The following OSBPL6 variants were observed in gnomAD, a reference collection of about 807,000 sequenced individuals.
The protein encoded by OSBPL6 is oxysterol-binding protein-related protein 6.
Under a neutral mutation model 125.8 loss-of-function variants are expected in OSBPL6, and 49 were observed. The observed-to-expected ratio is 0.39, with a 90% CI of 0.31 to 0.49. The LOEUF is 0.49. Ranked by LOEUF, OSBPL6 falls within the 20% of genes least tolerant of loss-of-function variation. The pLI is 0.88. For missense variants in OSBPL6, 986 were observed against 1,135.4 expected, an observed-to-expected ratio of 0.87 and a Z score of 1.89; for synonymous variants, 394 against 391.8, an observed-to-expected ratio of 1.01 and a Z score of -0.07.
chr2:178,342,949 A>G (rs718651), intron 11 of OSBPL6, among the ~76,000 whole-genome samples: 3,895 of 152,278 alleles, frequency 0.026, 237 homozygotes, highest in East Asian at 0.22. Flanking sequence ...CTTTTACTAC[A>G]TTAAGTAGAA....
chr2:178,334,648 C>G (rs1028122482), intron 8 of OSBPL6, among the ~76,000 whole-genome samples: 1 of 152,172 alleles, frequency 6.6e-6, no homozygotes, highest in African/African-American at 2.4e-5. Flanking sequence ...CCTGCCTCAG[C>G]CTTCAGAGTA....
At chr2:178,353,290 A>C (rs1210489613) in intron 12 of OSBPL6, among the ~76,000 whole-genome samples, 7 of 152,190 alleles carry the variant, frequency 4.6e-5, no homozygotes, top group Admixed American at 3.3e-4. Context: ...AGTAATAACA[A>C]ACTTCTCCGA....
At chr2:178,315,600 C>T (rs1687663195) in intron 3 of OSBPL6, among the ~76,000 whole-genome samples, 1 of 152,156 alleles carries the variant, frequency 6.6e-6, no homozygotes, top group Admixed American at 6.5e-5. Flanking sequence ...CTAGGCCTGC[C>T]TTTATCAGGT....
chr2:178,316,871 A>C (rs1687780205), intron 3 of OSBPL6, among the ~76,000 whole-genome samples: 1 of 152,174 alleles, frequency 6.6e-6, no homozygotes, highest in African/African-American at 2.4e-5. Context: ...CCCCAAGGAT[A>C]CCAAGGGAGG....
At chr2:178,256,747 TTATAAG>T (rs769521817) in intron 1 of OSBPL6, among the ~76,000 whole-genome samples, 11 of 152,236 alleles carry the variant, frequency 7.2e-5, no homozygotes, top group Non-Finnish European at 1.5e-4. Context: ...AGTGATTTTC[TTATAAG>T]TATGTTTTTG....
intron 12 of OSBPL6, among the ~76,000 whole-genome samples, chr2:178,358,922 C>T (rs1692067731): frequency 2.6e-5 from 4 of 152,048 alleles, no homozygotes; most frequent in Admixed American, 2.6e-4. Flanking sequence ...ACTCATACAA[C>T]TCAATAGGAA....
chr2:178,328,621 A>G (rs1315719097), intron 5 of OSBPL6, among the ~76,000 whole-genome samples: 1 of 152,076 alleles, frequency 6.6e-6, no homozygotes, highest in East Asian at 1.9e-4. Context: ...CTGAGTAGCT[A>G]GGACTACAGG....
rs1050807889 is a variant in OSBPL6, at chr2:178,298,835, A to G, written c.-155-7195A>G. Among the ~76,000 whole-genome samples the G allele has an allele frequency of 9.9e-5, 15 of 152,060 alleles. 1 individual carries two copies. The highest frequency in any genetic ancestry group is 6.3e-3 in the Middle Eastern group (2 of 316). ...TTTTGTCTGCTTTAGCCAACTCCTCAGAATGCCTTGACTCAGTGCAGAAAT... is the reference window on the plus strand; with the variant it reads ...TTTTGTCTGCTTTAGCCAACTCCTCGGAATGCCTTGACTCAGTGCAGAAAT... On this transcript the variant is annotated intron_variant, in intron 2 of 24. Coordinates refer to ENST00000190611, the MANE Select transcript of OSBPL6 (RefSeq NM_032523.4).
intron 5 of OSBPL6, among the ~76,000 whole-genome samples, chr2:178,329,417 A>T (rs989037929): frequency 2.0e-4 from 28 of 139,550 alleles, no homozygotes; most frequent in East Asian, 1.8e-3. Flanking sequence ...TTATTTACTT[A>T]TTTTTTTTTT....
intron 1 of OSBPL6, among the ~76,000 whole-genome samples, chr2:178,216,920 A>G (rs2090118045): frequency 6.6e-6 from 1 of 152,170 alleles, no homozygotes; most frequent in Non-Finnish European, 1.5e-5. Context: ...TCCACACTGA[A>G]GAAGAGATTG....
At chr2:178,345,858 A>G (rs1690649883) in intron 11 of OSBPL6, among the ~76,000 whole-genome samples, 1 of 152,230 alleles carries the variant, frequency 6.6e-6, no homozygotes, top group Non-Finnish European at 1.5e-5. Context: ...CAGTGAATAT[A>G]ATAAAACTGA....
intron 1 of OSBPL6, among the ~76,000 whole-genome samples, chr2:178,202,512 C>T (rs1559110471): frequency 6.6e-6 from 1 of 151,892 alleles, no homozygotes; most frequent in Non-Finnish European, 1.5e-5. Flanking sequence ...TATCTTTTTT[C>T]TCTGGCTGCT....
rs138014913 is a variant in OSBPL6 at position 178,347,277 on chromosome 2, G to C, written c.988-1947G>C. Among the ~76,000 whole-genome samples the C allele has an allele frequency of 4.7e-3, 722 of 152,208 alleles. 7 individuals are homozygous for C. The highest frequency in any genetic ancestry group is 0.016 in the African/African-American group (684 of 41,516). Reference sequence around the variant, plus strand: ...AAGCCATGTGAGTCCTCAGAGTGTTGAGGGCACCTGAATGCAGATAAAATC... The same window carrying C: ...AAGCCATGTGAGTCCTCAGAGTGTTCAGGGCACCTGAATGCAGATAAAATC... On this transcript the variant is annotated intron_variant, in intron 11 of 24. Coordinates refer to ENST00000190611, the MANE Select transcript of OSBPL6 (RefSeq NM_032523.4).
intron 1 of OSBPL6, among the ~76,000 whole-genome samples, chr2:178,257,308 G>A (rs2091917434): frequency 6.6e-6 from 1 of 152,120 alleles, no homozygotes; most frequent in Admixed American, 6.5e-5. Context: ...TCAAGTTTGT[G>A]TATGTTCAAG....
intron 1 of OSBPL6, among the ~76,000 whole-genome samples, chr2:178,282,004 G>C (rs888411363): frequency 6.6e-6 from 1 of 152,114 alleles, no homozygotes; most frequent in African/African-American, 2.4e-5. Context: ...CCTGCTTCCC[G>C]GAGTACACAC....
intron 12 of OSBPL6, among the ~76,000 whole-genome samples, chr2:178,360,272 A>C (rs1476216083): frequency 6.6e-6 from 1 of 152,210 alleles, no homozygotes; most frequent in East Asian, 1.9e-4. Context: ...AACAAGTAGA[A>C]AGATCTAATC....
In OSBPL6 at chr2:178,384,093, G is replaced by C. The variant is rs762819969; in HGVS notation, c.1930G>C (p.Gly644Arg). 9 of 1,614,154 alleles carry C rather than the reference G, an allele frequency of 5.6e-6. No homozygotes were observed. The South Asian group carries it at 8.8e-5, about 16-fold the overall frequency. ...ATACTGCTCCACCTATTTCAGAGCA[G>C]GAAGTAAGCCATTCAACCCAGTCCT... ...SGYCSTYFRA[G>R]SKPFNPVLGE... Residue 644 changes from glycine (G) to arginine (R), a missense_variant, in exon 18 of 25, where the codon GGA becomes CGA. Transcript: ENST00000190611.
At chr2:178,254,818 C>A (rs2091827271) in intron 1 of OSBPL6, among the ~76,000 whole-genome samples, 1 of 152,208 alleles carries the variant, frequency 6.6e-6, no homozygotes, top group Admixed American at 6.5e-5. Context: ...CTCACTGGTG[C>A]TTTCTGAAAC....
rs373957057 is a variant in OSBPL6, at chr2:178,247,179, G to A, written c.-350-37748G>A. On this transcript the variant is annotated intron_variant, in intron 1 of 24. Coordinates refer to ENST00000190611, the MANE Select transcript of OSBPL6 (RefSeq NM_032523.4). ...TGGGCACCTTATAACTTACTGCTCA[G>A]CTCTGAAGAAGAAATGATTTTGTCT... Among the ~76,000 whole-genome samples the A allele has an allele frequency of 6.6e-5, 10 of 152,190 alleles. No individual in the cohort carries two copies. In the South Asian group the frequency reaches 2.1e-3, roughly 32 times the overall value.
Sources: gnomAD v4.1 joint callset for allele counts (sites outside exome capture counted in the v4.1 genomes callset) on GRCh38, gnomAD v4.1.1 for gene constraint, MANE v1.5 for transcripts, NCBI Gene and HGNC (gene_info 2026-07-23, HGNC 2026-07-21) for gene names.